Variants in BMP2K observed in about 807,000 individuals in gnomAD.
BMP2K encodes BMP-2-inducible protein kinase.
Under a neutral mutation model 116.0 loss-of-function variants are expected in BMP2K, and 74 were observed. The ratio of observed to expected loss-of-function variants is 0.64; its 90% CI spans 0.53 to 0.77. BMP2K has a LOEUF of 0.77. BMP2K is among the 30% of genes least tolerant of loss of function. BMP2K has a pLI of 0.00. For missense variants in BMP2K, 1,365 were observed against 1,403.6 expected, an observed-to-expected ratio of 0.97 and a Z score of 0.44; for synonymous variants, 486 against 502.5, an observed-to-expected ratio of 0.97 and a Z score of 0.44.
chr4:78,811,175 G>A (rs1729071539), intron 1 of BMP2K, among the ~76,000 whole-genome samples: 1 of 151,954 alleles, frequency 6.6e-6, no homozygotes, highest in Non-Finnish European at 1.5e-5. Context: ...TATCTTTATT[G>A]CCTGTTAGAT....
rs754354277 is a variant in BMP2K at position 78,833,667 on chromosome 4, T to C, written c.383T>C (p.Ile128Thr). ...AGTGATAATGTATGGGAAGTCCTTA[T>C]CTTAATGGAATATTGTCGAGGTAAG... ...SISDNVWEVL[I>T]LMEYCRAGQV... The change falls in exon 3 of 16, where the codon ATC becomes ACC. Residue 128 changes from isoleucine (I) to threonine (T), a missense_variant. Around this residue, in one of 3 missense-constraint regions of BMP2K, gnomAD observed 762 missense variants for 756.7 expected, o/e 1.01. Coordinates refer to ENST00000502613, the MANE Select transcript of BMP2K (RefSeq NM_198892.2). 3 of 1,604,864 alleles carry C rather than the reference T, an allele frequency of 1.9e-6. No homozygotes were observed. Among genetic ancestry groups the C allele is most frequent in the African/African-American group, 2.7e-5 (2 of 74,482 alleles).
At chr4:78,796,637 G>A (rs1453802750) in intron 1 of BMP2K, among the ~76,000 whole-genome samples, 2 of 152,158 alleles carry the variant, frequency 1.3e-5, no homozygotes. Flanking sequence ...GTCCCAAAGA[G>A]AGGTTGGCAT....
chr4:78,810,168 A>G (rs552869214), intron 1 of BMP2K, among the ~76,000 whole-genome samples: 5 of 152,338 alleles, frequency 3.3e-5, no homozygotes, highest in African/African-American at 1.2e-4. Context: ...TAAGTCTTCT[A>G]GCTTTTGCTG....
intron 15 of BMP2K, among the ~76,000 whole-genome samples, chr4:78,907,928 T>A (rs1273174979): frequency 6.6e-6 from 1 of 152,172 alleles, no homozygotes; most frequent in African/African-American, 2.4e-5. Context: ...CAGTCAGGGA[T>A]GATGGGAAAT....
Position 78,887,211 on chromosome 4 carries a change from A to T in BMP2K, c.1989A>T (p.Val663=), listed in dbSNP as rs756498198. The T allele has an allele frequency of 2.5e-6, 4 of 1,611,440 alleles. No individual in the cohort carries two copies. Among genetic ancestry groups the T allele is most frequent in the Non-Finnish European group, 3.4e-6 (4 of 1,178,824 alleles). The change falls in exon 15 of 16, where the codon GTA becomes GTT. Residue 663 remains valine (V), a synonymous_variant. Coordinates refer to ENST00000502613, the MANE Select transcript of BMP2K (RefSeq NM_198892.2). ...LEERASSDKN[V]DSLSAPHNHP... ...AGAGAGCATCCTCAGATAAGAATGT[A>T]GACTCACTTTCTGCTCCACATAACC...
intron 13 of BMP2K, among the ~76,000 whole-genome samples, chr4:78,874,786 T>C (rs1367660093): frequency 6.6e-6 from 1 of 152,226 alleles, no homozygotes; most frequent in Non-Finnish European, 1.5e-5. Context: ...TGCAAGGTGC[T>C]GATGCCTGTA....
chr4:78,820,528 C>A (rs926668340), intron 1 of BMP2K, among the ~76,000 whole-genome samples: 3 of 151,932 alleles, frequency 2.0e-5, no homozygotes, highest in African/African-American at 7.3e-5. Flanking sequence ...CTCATTTTCT[C>A]TTTTCTTTTT....
At chr4:78,826,277 C>A in intron 2 of BMP2K, 122 bp downstream of exon 2, 1 of 669,234 alleles carries the variant, frequency 1.5e-6, no homozygotes. Flanking sequence ...TCTCAGCTCG[C>A]TGCAACCTCC....
chr4:78,780,897 A>G (rs1727472291), intron 1 of BMP2K, among the ~76,000 whole-genome samples: 1 of 152,194 alleles, frequency 6.6e-6, no homozygotes, highest in Non-Finnish European at 1.5e-5. Flanking sequence ...TTCAGTTTAG[A>G]CTGGGGGGTC....
rs368418569 is a variant in BMP2K, at chr4:78,911,555, G to C, written c.3008G>C (p.Ser1003Thr). Residue 1003 changes from serine (S) to threonine (T), a missense_variant, in exon 16 of 16, where the codon AGC becomes ACC. By Grantham distance (58) the Ser-to-Thr change is moderately conservative. Coordinates refer to ENST00000502613, the MANE Select transcript of BMP2K (RefSeq NM_198892.2). Reference sequence around the variant, plus strand: ...AAGCGGCATCATGGCACGCCAACTAGCACAAAGAAGACTTTGAAGCCTACC... The same window carrying C: ...AAGCGGCATCATGGCACGCCAACTACCACAAAGAAGACTTTGAAGCCTACC... ...NGKRHHGTPT[S>T]TKKTLKPTYR... 9.3e-6 allele frequency: 15 copies of C among 1,613,994 alleles called. No homozygotes were observed. In the African/African-American group the frequency reaches 2.0e-4, roughly 22 times the overall value.
intron 1 of BMP2K, among the ~76,000 whole-genome samples, chr4:78,806,840 CTTTTT>C (rs1038770824): frequency 7.8e-6 from 1 of 128,288 alleles, no homozygotes; most frequent in African/African-American, 2.8e-5. Flanking sequence ...CTTATCTTTT[CTTTTT>C]TTTTTTTTTT....
intron 1 of BMP2K, among the ~76,000 whole-genome samples, chr4:78,803,280 A>C (rs1249052240): frequency 6.6e-6 from 1 of 152,016 alleles, no homozygotes; most frequent in African/African-American, 2.4e-5. Flanking sequence ...AATGTCTTTT[A>C]TTAAAGTTTT....
chr4:78,791,581 G>T (rs62310796), intron 1 of BMP2K, among the ~76,000 whole-genome samples: 9,665 of 151,908 alleles, frequency 0.064, 417 homozygotes, highest in East Asian at 0.23. Flanking sequence ...AACAAACTTC[G>T]TACCCATCAA....
chr4:78,794,102 TGAGA>T (rs1334238477), intron 1 of BMP2K, among the ~76,000 whole-genome samples: 19 of 152,150 alleles, frequency 1.2e-4, no homozygotes, highest in Non-Finnish European at 2.6e-4. Flanking sequence ...CAAAGAAAAG[TGAGA>T]AACTGCTGTA....
intron 14 of BMP2K, among the ~76,000 whole-genome samples, chr4:78,881,000 T>C (rs948749681): frequency 1.3e-5 from 2 of 152,236 alleles, no homozygotes; most frequent in African/African-American, 4.8e-5. Flanking sequence ...TCTGATGTGC[T>C]TAATTTGGCA....
chr4:78,850,548 A>G (rs891805850), intron 6 of BMP2K, among the ~76,000 whole-genome samples: 8 of 151,942 alleles, frequency 5.3e-5, no homozygotes, highest in African/African-American at 1.7e-4. Context: ...AACATGCTTT[A>G]TAGTGAATGC....
chr4:78,863,794 C>T (rs1031009245), intron 9 of BMP2K, among the ~76,000 whole-genome samples: 35 of 152,130 alleles, frequency 2.3e-4, no homozygotes, highest in Admixed American at 1.5e-3. Context: ...CATAGAATGC[C>T]TGGTTTCTTT....
intron 1 of BMP2K, among the ~76,000 whole-genome samples, chr4:78,819,277 A>T (rs1000752891): frequency 4.6e-5 from 7 of 152,116 alleles, no homozygotes; most frequent in Non-Finnish European, 7.4e-5. Context: ...TTGGTATTAC[A>T]GGTGTGATCT....
chr4:78,897,756 A>G (rs1002937436), intron 15 of BMP2K, among the ~76,000 whole-genome samples: 2 of 152,122 alleles, frequency 1.3e-5, no homozygotes, highest in African/African-American at 4.8e-5. Flanking sequence ...CCCAGCCGTG[A>G]TTAATATGGG....
Sources: allele counts gnomAD v4.1 joint callset (sites outside exome capture counted in the v4.1 genomes callset), GRCh38; gene constraint gnomAD v4.1.1; regional missense constraint gnomAD v4.1.1; transcripts MANE v1.5; gene names NCBI Gene and HGNC (gene_info 2026-07-23, HGNC 2026-07-21).